Variants in PTGER3 observed in about 807,000 individuals in gnomAD.
PTGER3 encodes prostaglandin E receptor 3, also known as prostaglandin E2 receptor EP3 subtype.
PTGER3 carries 22 observed loss-of-function variants against 34.7 expected under a neutral mutation model. The observed-to-expected ratio is 0.63, with a 90% confidence interval of 0.45 to 0.91. The LOEUF (loss-of-function observed/expected upper bound fraction) is 0.91, where lower values mean the gene tolerates loss of function less well. Among genes scored for constraint, PTGER3 ranks in the 40% least tolerant of loss-of-function variants. The pLI is 0.00. For missense variants in PTGER3, 468 were observed against 519.4 expected (o/e 0.90, Z 0.96); for synonymous variants, 241 against 230.1 (o/e 1.05, Z -0.43).
intron 1 of PTGER3, among the ~76,000 whole-genome samples, chr1:71,025,173 C>CT (rs1224648804): frequency 1.0e-5 from 1 of 98,948 alleles, no homozygotes; most frequent in South Asian, 3.0e-4. Context: ...TCTTTCCTTC[C>CT]TTTTTTTCCT....
At chr1:70,908,373 C>G (rs959058982) in intron 4 of PTGER3, among the ~76,000 whole-genome samples, 3 of 152,290 alleles carry the variant, frequency 2.0e-5, no homozygotes, top group Admixed American at 2.0e-4. Flanking sequence ...AGGAGCAGCT[C>G]TCAGCCAATG....
chr1:70,865,884 T>C (rs753155573), intron 4 of PTGER3: 4 of 1,180,742 alleles, frequency 3.4e-6, no homozygotes, highest in South Asian at 1.3e-5. Flanking sequence ...AAGACACTCA[T>C]CTAGAGCCAC....
At chr1:71,021,892 T>G (rs1572954170) in intron 1 of PTGER3, among the ~76,000 whole-genome samples, 1 of 151,884 alleles carries the variant, frequency 6.6e-6, no homozygotes. Context: ...TCTATTCTAA[T>G]GCTGACATTT....
chr1:70,984,826 T>G (rs917739145), intron 2 of PTGER3, among the ~76,000 whole-genome samples: 1 of 152,140 alleles, frequency 6.6e-6, no homozygotes, highest in Admixed American at 6.5e-5. Context: ...AAAAGATGTA[T>G]TTTCCAAAAA....
chr1:71,007,264 C>A, intron 2 of PTGER3: 1 of 985,414 alleles, frequency 1.0e-6, no homozygotes, highest in Non-Finnish European at 1.2e-6. Context: ...ACAAACAGAT[C>A]AAAATAATCA....
intron 1 of PTGER3, among the ~76,000 whole-genome samples, chr1:71,015,342 A>G (rs1291909453): frequency 6.6e-6 from 1 of 152,206 alleles, no homozygotes; most frequent in Non-Finnish European, 1.5e-5. Context: ...TTTAAAGTGG[A>G]CATAACATCA....
intron 2 of PTGER3, among the ~76,000 whole-genome samples, chr1:70,986,121 A>G (rs956414140): frequency 1.3e-5 from 2 of 152,130 alleles, no homozygotes; most frequent in Non-Finnish European, 2.9e-5. Context: ...CAGCACCATG[A>G]CAGTTTACAA....
At chr1:70,955,213 C>T (rs1416575816) in intron 2 of PTGER3, among the ~76,000 whole-genome samples, 1 of 152,034 alleles carries the variant, frequency 6.6e-6, no homozygotes, top group Non-Finnish European at 1.5e-5. Context: ...TTAATTAAGC[C>T]ATAAATTAGA....
At chr1:70,986,993 G>A (rs535110133) in intron 2 of PTGER3, among the ~76,000 whole-genome samples, 79 of 152,210 alleles carry the variant, frequency 5.2e-4, no homozygotes, top group Admixed American at 2.1e-3. Flanking sequence ...ATATCTTTAA[G>A]CACCTAAAAT....
intron 2 of PTGER3, among the ~76,000 whole-genome samples, chr1:70,990,386 CATAT>C (rs34834591): frequency 1.8e-3 from 239 of 131,300 alleles, no homozygotes; most frequent in Middle Eastern, 7.8e-3. Context: ...CACACACACA[CATAT>C]ATATATATAT....
At chr1:71,031,508 C>A (rs900796244) in intron 1 of PTGER3, among the ~76,000 whole-genome samples, 1 of 152,074 alleles carries the variant, frequency 6.6e-6, no homozygotes, top group Admixed American at 6.5e-5. Context: ...TTTGTTATAG[C>A]ATAGGGGTAA....
chr1:71,019,212 T>A (rs1658182514), intron 1 of PTGER3, among the ~76,000 whole-genome samples: 1 of 152,216 alleles, frequency 6.6e-6, no homozygotes, highest in Non-Finnish European at 1.5e-5. Context: ...TTCTGTGTCA[T>A]ACAAGGGAGA....
intron 1 of PTGER3, among the ~76,000 whole-genome samples, chr1:71,029,594 T>C (rs995344356): frequency 4.6e-5 from 7 of 152,206 alleles, no homozygotes; most frequent in African/African-American, 1.7e-4. Context: ...TATAAAGGTA[T>C]GCACAGGCAC....
At chr1:70,918,317 G>A (rs992668691) in intron 4 of PTGER3, among the ~76,000 whole-genome samples, 1 of 151,950 alleles carries the variant, frequency 6.6e-6, no homozygotes, top group Non-Finnish European at 1.5e-5. Context: ...CAGGAGAAAT[G>A]CTTCATGAAA....
At chr1:70,946,221 A>T (rs775075647) in intron 4 of PTGER3, among the ~76,000 whole-genome samples, 4 of 152,064 alleles carry the variant, frequency 2.6e-5, no homozygotes, top group Non-Finnish European at 4.4e-5. Context: ...CAAGTTACTT[A>T]GTTTTCTCCT....
At chr1:70,908,183 G>A (rs570171284) in intron 4 of PTGER3, among the ~76,000 whole-genome samples, 3 of 152,272 alleles carry the variant, frequency 2.0e-5, no homozygotes, top group South Asian at 2.1e-4. Context: ...AGGTGTCCCC[G>A]AGGAGACAAT....
intron 4 of PTGER3, among the ~76,000 whole-genome samples, chr1:70,923,896 G>A (rs536524376): frequency 1.5e-3 from 233 of 152,280 alleles, no homozygotes; most frequent in African/African-American, 5.3e-3. Context: ...GACACAATTG[G>A]AGAAACTGGT....
chr1:70,966,782 T>C (rs1023474915), downstream of PTGER3, among the ~76,000 whole-genome samples: 1 of 152,174 alleles, frequency 6.6e-6, no homozygotes, highest in Non-Finnish European at 1.5e-5. Context: ...CATGATCTCA[T>C]TCCCTTTTAT....
intron 1 of PTGER3, among the ~76,000 whole-genome samples, chr1:71,033,987 TCTTTAAAAATTAAAAAAAC>T (rs954725011): frequency 1.6e-4 from 25 of 152,274 alleles, no homozygotes; most frequent in African/African-American, 5.8e-4. Context: ...AGTATTTTTA[TCTTTAAAAATTAAAAAAAC>T]CTTTAAAAAT....
Sources: allele counts gnomAD v4.1 joint callset (sites outside exome capture counted in the v4.1 genomes callset), GRCh38; gene constraint gnomAD v4.1.1; transcripts MANE v1.5; gene names NCBI Gene and HGNC (gene_info 2026-07-23, HGNC 2026-07-21).